PABPC4L: variants seen among roughly 807,000 people sequenced by gnomAD.
PABPC4L encodes the protein polyadenylate-binding protein 4-like.
For missense variants in PABPC4L, 452 were observed against 451.4 expected (o/e 1.00, Z -0.01); for synonymous variants, 169 against 164.1 (o/e 1.03, Z -0.23).
chr4:134,036,200 A>G, the PABPC4L span, among the ~76,000 whole-genome samples: 1 of 152,136 alleles, frequency 6.6e-6, no homozygotes, highest in Non-Finnish European at 1.5e-5. Context: ...AGTAAACAAG[A>G]GAATTTTGTA....
the PABPC4L span, among the ~76,000 whole-genome samples, chr4:134,130,112 A>G: frequency 6.6e-6 from 1 of 151,732 alleles, no homozygotes; most frequent in Non-Finnish European, 1.5e-5. Flanking sequence ...TAGTTAATCT[A>G]AGGTCACACA....
the PABPC4L span, among the ~76,000 whole-genome samples, chr4:134,131,641 T>C: frequency 5.3e-5 from 7 of 132,804 alleles, no homozygotes; most frequent in Non-Finnish European, 1.1e-4. Context: ...ATAAATTTGA[T>C]GCAATTTGCA....
At chr4:134,047,057 C>A in the PABPC4L span, among the ~76,000 whole-genome samples, 1 of 152,162 alleles carries the variant, frequency 6.6e-6, no homozygotes, top group South Asian at 2.1e-4. Flanking sequence ...TCTAAGTCTA[C>A]AAGCATGCCT....
chr4:134,106,189 G>T, the PABPC4L span, among the ~76,000 whole-genome samples: 1 of 151,618 alleles, frequency 6.6e-6, no homozygotes, highest in South Asian at 2.1e-4. Context: ...AAATTATTGT[G>T]CTTTGATATA....
the PABPC4L span, among the ~76,000 whole-genome samples, chr4:134,039,905 A>T: frequency 1.3e-5 from 2 of 152,080 alleles, no homozygotes; most frequent in Non-Finnish European, 2.9e-5. Flanking sequence ...AATTACGAGC[A>T]TTCCTATACA....
the PABPC4L span, among the ~76,000 whole-genome samples, chr4:133,974,515 T>C: frequency 6.6e-6 from 1 of 151,990 alleles, no homozygotes; most frequent in Non-Finnish European, 1.5e-5. Context: ...AAAAAAACAA[T>C]AGATATATTG....
At chr4:134,109,124 T>C in the PABPC4L span, among the ~76,000 whole-genome samples, 4 of 151,942 alleles carry the variant, frequency 2.6e-5, no homozygotes, top group African/African-American at 9.7e-5. Context: ...ATGCTTTTCA[T>C]ATGGAAATAT....
At chr4:133,992,274 C>T in the PABPC4L span, among the ~76,000 whole-genome samples, 719 of 152,298 alleles carry the variant, frequency 4.7e-3, 1 homozygote, top group Non-Finnish European at 7.2e-3. Flanking sequence ...CTGTGGTAGA[C>T]CTCTCAGCCA....
Position 134,200,947 on chromosome 4 carries a change from G to A in PABPC4L, c.73C>T (p.Leu25=), listed in dbSNP as rs759743358. 45 of 1,557,064 alleles carry A rather than the reference G, an allele frequency of 2.9e-5. No individual in the cohort carries two copies. Among genetic ancestry groups the A allele is most frequent in the Admixed American group, 3.9e-5 (2 of 51,428 alleles). Residue 25 remains leucine, a synonymous_variant, in exon 2 of 2, where the codon CTG becomes TTG. Transcript: ENST00000421491. The part of the protein sequence containing the change: ...GDLHADVTED[L]LFRKFSTVGP... ...ACAGTGCTGAACTTCCTGAACAGCA[G>A]GTCCTCGGTGACATCTGCATGTAAG...
chr4:134,037,859 C>A, the PABPC4L span, among the ~76,000 whole-genome samples: 27 of 152,184 alleles, frequency 1.8e-4, no homozygotes, highest in East Asian at 4.8e-3. Flanking sequence ...CCAATACTAT[C>A]TTGAATAGGT....
chr4:134,024,227 C>CAT, the PABPC4L span, among the ~76,000 whole-genome samples: 1 of 152,118 alleles, frequency 6.6e-6, no homozygotes, highest in African/African-American at 2.4e-5. Context: ...TGAATATTTA[C>CAT]ATAGTTCATC....
the PABPC4L span, among the ~76,000 whole-genome samples, chr4:134,180,673 T>C: frequency 6.6e-6 from 1 of 150,464 alleles, no homozygotes; most frequent in Non-Finnish European, 1.5e-5. Flanking sequence ...TCCAAATAAA[T>C]ACAAGCAGAA....
At chr4:133,963,594 GA>G in the PABPC4L span, among the ~76,000 whole-genome samples, 3 of 151,312 alleles carry the variant, frequency 2.0e-5, no homozygotes, top group South Asian at 2.1e-4. Flanking sequence ...TGATAGGCCA[GA>G]AAAAAAACTC....
chr4:134,015,493 T>C, the PABPC4L span, among the ~76,000 whole-genome samples: 6 of 152,092 alleles, frequency 3.9e-5, no homozygotes, highest in Admixed American at 1.3e-4. Flanking sequence ...ACCCTGACAC[T>C]CATTAGGCTC....
the PABPC4L span, among the ~76,000 whole-genome samples, chr4:133,973,069 A>T: frequency 2.6e-5 from 4 of 152,316 alleles, no homozygotes; most frequent in African/African-American, 9.6e-5. Context: ...ATTTCCCTAC[A>T]TGTAAGATAT....
chr4:134,195,983 T>TTA (rs1729643981), downstream of PABPC4L, among the ~76,000 whole-genome samples: 1 of 151,372 alleles, frequency 6.6e-6, no homozygotes, highest in Non-Finnish European at 1.5e-5. Flanking sequence ...TATTGTTTTA[T>TTA]TATATATATT....
At chr4:134,015,643 G>A in the PABPC4L span, among the ~76,000 whole-genome samples, 17 of 152,216 alleles carry the variant, frequency 1.1e-4, no homozygotes, top group East Asian at 2.7e-3. Context: ...TGCTGAGCGT[G>A]TCTGACTAAT....
the PABPC4L span, among the ~76,000 whole-genome samples, chr4:134,132,119 T>C: frequency 1.3e-5 from 2 of 151,906 alleles, no homozygotes; most frequent in Non-Finnish European, 2.9e-5. Flanking sequence ...TTCTAGAAGA[T>C]AATATCAGAA....
At chr4:134,157,590 C>T in the PABPC4L span, among the ~76,000 whole-genome samples, 11 of 151,822 alleles carry the variant, frequency 7.2e-5, no homozygotes, top group African/African-American at 2.6e-4. Context: ...ATGGCTGTTA[C>T]AGCTTCACTG....
Sources: allele counts gnomAD v4.1 joint callset (sites outside exome capture counted in the v4.1 genomes callset), GRCh38; gene constraint gnomAD v4.1.1; transcripts MANE v1.5; gene names NCBI Gene and HGNC (gene_info 2026-07-23, HGNC 2026-07-21).